The following ARHGAP23 variants were observed in gnomAD, a reference collection of about 807,000 sequenced individuals.
ARHGAP23 encodes the protein rho GTPase-activating protein 23.
ARHGAP23 carries 34 observed loss-of-function variants against 136.3 expected under a neutral mutation model. That is an observed-to-expected ratio of 0.25 (90% CI 0.19 to 0.33). The LOEUF is 0.33. Ranked by LOEUF, ARHGAP23 falls within the 10% of genes least tolerant of loss-of-function variation. The probability of loss-of-function intolerance (pLI) is 1.00; values close to 1 mark genes in which losing one functional copy is unlikely to be tolerated. For synonymous variants in ARHGAP23, 832 were observed against 920.5 expected (o/e 0.90, Z 1.74); for missense variants, 1,808 against 2,139.0 (o/e 0.85, Z 3.05).
rs528720455 is a variant in ARHGAP23 at position 38,467,110 on chromosome 17, G to C, written c.1427G>C (p.Arg476Pro). The C allele has an allele frequency of 3.9e-6, 6 of 1,550,214 alleles. No individual in the cohort carries two copies. ...PRVVRPEPST[R>P]ALEPPAEDRG... ...GTTGTACGGCCGGAACCCAGCACCC[G>C]GGCCCTGGAGCCTCCTGCGGAGGAT... Residue 476 changes from arginine to proline, a missense_variant, in exon 7 of 24, where the codon CGG becomes CCG. This residue lies in a region of ARHGAP23 where 859 missense variants were observed against 936.4 expected (regional missense o/e 0.92). Coordinates refer to ENST00000622683, the MANE Select transcript of ARHGAP23 (RefSeq NM_001199417.2).
chr17:38,458,351 C>T, intron 2 of ARHGAP23, 88 bp downstream of exon 2: 2 of 1,421,658 alleles, frequency 1.4e-6, no homozygotes, highest in Non-Finnish European at 1.8e-6. Flanking sequence ...ATGGTCCTTT[C>T]ACCCTCTCAG....
At chr17:38,506,656 C>G (rs59049664) in intron 23 of ARHGAP23, among the ~76,000 whole-genome samples, 2 of 152,012 alleles carry the variant, frequency 1.3e-5, no homozygotes, top group African/African-American at 4.8e-5. Context: ...AAAGAGAGCG[C>G]AAGAGAGCCC....
chr17:38,448,083 C>T lies in ARHGAP23; in HGVS notation c.64-10019C>T, dbSNP rs115382215. ...TGGGGTCTCATGTTGCCCACCCCTT[C>T]CCTACTCCCAGAGGGCCCATAAGGT... is the stretch of plus-strand genomic sequence containing the variant. On this transcript the variant is annotated intron_variant, in intron 1 of 23. Coordinates refer to ENST00000622683, the MANE Select transcript of ARHGAP23 (RefSeq NM_001199417.2). Among the ~76,000 whole-genome samples, 747 of 152,298 alleles carry T rather than the reference C, an allele frequency of 4.9e-3. 6 individuals carry two copies. The highest frequency in any genetic ancestry group is 0.017 in the African/African-American group (711 of 41,582).
intron 7 of ARHGAP23, 107 bp from the exon 8 acceptor site, chr17:38,469,037 G>A: frequency 1.7e-6 from 2 of 1,190,384 alleles, no homozygotes; most frequent in Admixed American, 2.7e-5. Context: ...CCTTTGGGAT[G>A]TGTCTGAGCC....
chr17:38,451,919 C>G (rs1275316058), intron 1 of ARHGAP23: 1 of 152,496 alleles, frequency 6.6e-6, no homozygotes, highest in Non-Finnish European at 1.5e-5. Context: ...TCCCCCTAAG[C>G]TCTCCTGACT....
intron 1 of ARHGAP23, among the ~76,000 whole-genome samples, chr17:38,428,749 G>A (rs1454468879): frequency 6.6e-6 from 1 of 152,178 alleles, no homozygotes; most frequent in African/African-American, 2.4e-5. Flanking sequence ...CGGGGTAGAG[G>A]GGTGGGAAGG....
intron 23 of ARHGAP23, among the ~76,000 whole-genome samples, chr17:38,504,883 C>A (rs2144809441): frequency 6.8e-6 from 1 of 147,528 alleles, no homozygotes; most frequent in African/African-American, 2.5e-5. Flanking sequence ...TTTAGGCTGT[C>A]CCGGGTAGGA....
chr17:38,440,743 G>A (rs902101912), intron 1 of ARHGAP23, among the ~76,000 whole-genome samples: 3 of 152,254 alleles, frequency 2.0e-5, no homozygotes, highest in African/African-American at 4.8e-5. Flanking sequence ...CGTGGACTGG[G>A]CCTCCAGCCT....
intron 2 of ARHGAP23, 43 bp downstream of exon 2, chr17:38,458,306 T>A: frequency 2.0e-6 from 3 of 1,463,830 alleles, no homozygotes; most frequent in Non-Finnish European, 2.7e-6. Context: ...GAAGCTTTCA[T>A]GAGGGAGGGA....
chr17:38,492,239 C>T (rs950416981), intron 20 of ARHGAP23, among the ~76,000 whole-genome samples: 1 of 152,164 alleles, frequency 6.6e-6, no homozygotes, highest in African/African-American at 2.4e-5. Context: ...GCAGCACTGC[C>T]GCCTTCTGGT....
chr17:38,447,437 G>GAACAAAAAAAAA (rs2039059040), intron 1 of ARHGAP23, among the ~76,000 whole-genome samples: 1 of 25,636 alleles, frequency 3.9e-5, no homozygotes, highest in Non-Finnish European at 7.2e-5. Context: ...GACTCCGTCT[G>GAACAAAAAAAAA]AAAAAAAAAA....
At chr17:38,495,360 G>C (rs1326581339) in intron 20 of ARHGAP23, among the ~76,000 whole-genome samples, 1 of 151,684 alleles carries the variant, frequency 6.6e-6, no homozygotes, top group Non-Finnish European at 1.5e-5. Context: ...GCACCCCCAA[G>C]TAGCTGGGAT....
chr17:38,494,353 C>T (rs1046510277), intron 20 of ARHGAP23, among the ~76,000 whole-genome samples: 5 of 152,218 alleles, frequency 3.3e-5, no homozygotes, highest in Non-Finnish European at 7.3e-5. Context: ...CTGTCATCCT[C>T]TTCGTCGTGG....
At chr17:38,464,915 T>TGACGCCACCACC (rs1017220141) in intron 6 of ARHGAP23, among the ~76,000 whole-genome samples, 1 of 152,172 alleles carries the variant, frequency 6.6e-6, no homozygotes, top group Non-Finnish European at 1.5e-5. Context: ...CGGCAGCTGC[T>TGACGCCACCACC]GACGCCACCA....
At chr17:38,460,994 C>T in intron 3 of ARHGAP23, 62 bp downstream of exon 3, 1 of 1,524,412 alleles carries the variant, frequency 6.6e-7, no homozygotes, top group African/African-American at 1.4e-5. Flanking sequence ...CCTGTCTCTC[C>T]CTGTCCTCCC....
intron 12 of ARHGAP23, 138 bp from the exon 13 acceptor site, chr17:38,479,298 A>G (rs1765116671): frequency 1.6e-6 from 1 of 642,622 alleles, no homozygotes; most frequent in Non-Finnish European, 2.8e-6. Flanking sequence ...TGGGGAGTCC[A>G]GGCCTGGTCT....
At position 38,509,564 on chromosome 17, in the gene ARHGAP23, A is replaced by G. The variant is rs565752052; in HGVS notation, c.3448-380A>G. On this transcript the variant is annotated intron_variant, in intron 23 of 23. Coordinates refer to ENST00000622683, the MANE Select transcript of ARHGAP23 (RefSeq NM_001199417.2). ...GATCAGCATGCAGGAAGCTCTGGTGATGACACCCCAGGGGCGTGTGTGAAA... is the reference window on the plus strand; with the variant it reads ...GATCAGCATGCAGGAAGCTCTGGTGGTGACACCCCAGGGGCGTGTGTGAAA... Among the ~76,000 whole-genome samples the G allele has an allele frequency of 2.0e-5, 3 of 152,234 alleles. No individual in the cohort carries two copies. The East Asian group carries it at 5.8e-4, about 29-fold the overall frequency.
rs1406412525 is a variant in ARHGAP23, at chr17:38,477,262, T to C, written c.2119-317T>C. On this transcript the variant is annotated intron_variant, in intron 11 of 23. Coordinates refer to ENST00000622683, the MANE Select transcript of ARHGAP23 (RefSeq NM_001199417.2). The surrounding 1 kb of genome is among the most constrained non-coding windows in gnomAD (Gnocchi z 6.6). ...AATGGCATCCCCAGGATTTCATGTATGGAGGGCCATGCTGGGTGTCTGAGC... is the reference window on the plus strand; with the variant it reads ...AATGGCATCCCCAGGATTTCATGTACGGAGGGCCATGCTGGGTGTCTGAGC... Among the ~76,000 whole-genome samples, 1 of 151,030 alleles carries C rather than the reference T, an allele frequency of 6.6e-6. No homozygotes were observed. Among genetic ancestry groups the C allele is most frequent in the Non-Finnish European group, 1.5e-5 (1 of 67,850 alleles).
intron 23 of ARHGAP23, among the ~76,000 whole-genome samples, chr17:38,507,300 T>TAATAATAATAATAAC (rs745375857): frequency 7.3e-5 from 11 of 150,220 alleles, no homozygotes; most frequent in Non-Finnish European, 1.5e-4. Context: ...ATAATAATAA[T>TAATAATAATAATAAC]AATAATGCTC....
Sources: allele counts gnomAD v4.1 joint callset (sites outside exome capture counted in the v4.1 genomes callset), GRCh38; gene constraint gnomAD v4.1.1; regional missense constraint gnomAD v4.1.1; non-coding constraint Gnocchi (gnomAD v3.1); transcripts MANE v1.5; gene names NCBI Gene and HGNC (gene_info 2026-07-23, HGNC 2026-07-21).